AGPAT4: variants seen among roughly 807,000 people sequenced by gnomAD.
AGPAT4 encodes 1-acyl-sn-glycerol-3-phosphate acyltransferase delta.
A neutral mutation model predicts 48.0 loss-of-function variants in AGPAT4; 15 were observed. The observed-to-expected ratio is 0.31, with a 90% CI of 0.21 to 0.48. The LOEUF (loss-of-function observed/expected upper bound fraction) is 0.48. AGPAT4 is among the 20% of genes least tolerant of loss of function. AGPAT4 has a pLI of 0.99. For missense variants in AGPAT4, 314 were observed against 482.5 expected (o/e 0.65, Z 3.27); for synonymous variants, 178 against 198.7 (o/e 0.90, Z 0.88).
intron 4 of AGPAT4, among the ~76,000 whole-genome samples, 153 bp from the exon 5 acceptor site, chr6:161,153,652 CACAGCCCTGGGGTCACAT>C (rs1284526805): frequency 8.0e-5 from 12 of 149,802 alleles, no homozygotes; most frequent in South Asian, 4.3e-4. Flanking sequence ...TGAGGTCACA[CACAGCCCTGGGGTCACAT>C]ACAGCCCTGG....
rs1230390875 is a variant in AGPAT4 at position 161,226,911 on chromosome 6, C to T, written c.178+5125G>A. On this transcript the variant is annotated intron_variant, in intron 2 of 8. Transcript: ENST00000320285. This position sits in a 1 kb window ranked among gnomAD's most constrained non-coding sequence, Gnocchi z 6.3. ...CATCAGAATGACAGCTGACCTCCCT[C>T]GGGGGAGCTCCTAGGCAAAGCAGGG... Among the ~76,000 whole-genome samples the T allele has an allele frequency of 1.3e-5, 2 of 152,132 alleles. No homozygotes were observed. Among genetic ancestry groups the T allele is most frequent in the East Asian group, 1.9e-4 (1 of 5,182 alleles).
At chr6:161,153,682 G>T (rs1482521539) in intron 4 of AGPAT4, among the ~76,000 whole-genome samples, 183 bp from the exon 5 acceptor site, 1 of 150,324 alleles carries the variant, frequency 6.7e-6, no homozygotes, top group Non-Finnish European at 1.5e-5. Flanking sequence ...CAGCCCTGGG[G>T]TCACACACAG....
At chr6:161,207,315 T>A (rs1225942982) in intron 2 of AGPAT4, among the ~76,000 whole-genome samples, 4 of 152,168 alleles carry the variant, frequency 2.6e-5, no homozygotes, top group Non-Finnish European at 5.9e-5. Flanking sequence ...CTCCAGTGAG[T>A]ACCAGTGCCC....
intron 2 of AGPAT4, among the ~76,000 whole-genome samples, chr6:161,185,208 GTATTACAT>G (rs1312404548): frequency 6.7e-6 from 1 of 148,940 alleles, no homozygotes; most frequent in Admixed American, 6.7e-5. Context: ...AATATAGGTG[GTATTACAT>G]TATATTAAGA....
chr6:161,247,182 G>T (rs1782676428), intron 1 of AGPAT4, among the ~76,000 whole-genome samples: 1 of 152,224 alleles, frequency 6.6e-6, no homozygotes, highest in South Asian at 2.1e-4. Context: ...GAGGAACACA[G>T]AGGTGACTTT....
chr6:161,149,148 G>A lies in AGPAT4; in HGVS notation c.767+39C>T, dbSNP rs1251981881. The A allele has an allele frequency of 6.2e-7, 1 of 1,601,312 alleles. No homozygotes were observed. The highest frequency in any genetic ancestry group is 2.2e-5 in the East Asian group (1 of 44,808). ...ATTTGTGATGTGTTTACTTTGAAAT[G>A]GGCACTGTCTTTTCTGGAAAGGAAA... is the stretch of plus-strand genomic sequence containing the variant. On this transcript the variant is annotated intron_variant, in intron 6 of 8. Transcript: ENST00000320285. The surrounding 1 kb of genome is among the most constrained non-coding windows in gnomAD (Gnocchi z 6.5).
rs531278007 is a variant in AGPAT4 at position 161,137,534 on chromosome 6, C to G, written c.1043-900G>C. ...GCACGCATCTCCCATGGGTCATTTA[C>G]AAACTGGAGGGCTCCTGCATGGAGC... On this transcript the variant is annotated intron_variant, in intron 8 of 8. Coordinates refer to ENST00000320285, the MANE Select transcript of AGPAT4 (RefSeq NM_020133.3). This position sits in a 1 kb window ranked among gnomAD's most constrained non-coding sequence, Gnocchi z 6.1. Among the ~76,000 whole-genome samples, 12 of 152,306 alleles carry G rather than the reference C, an allele frequency of 7.9e-5. No homozygotes were observed. In the East Asian group the frequency reaches 2.3e-3, roughly 29 times the overall value.
rs1484678270 is a variant in AGPAT4 at position 161,245,291 on chromosome 6, C to T, written c.-89-12989G>A. Among the ~76,000 whole-genome samples the T allele has an allele frequency of 2.0e-5, 3 of 152,190 alleles. No individual in the cohort carries two copies. Among genetic ancestry groups the T allele is most frequent in the African/African-American group, 4.8e-5 (2 of 41,444 alleles). On this transcript the variant is annotated intron_variant, in intron 1 of 8. Coordinates refer to ENST00000320285, the MANE Select transcript of AGPAT4 (RefSeq NM_020133.3). This position sits in a 1 kb window ranked among gnomAD's most constrained non-coding sequence, Gnocchi z 5.2. ...CAACAGGACGTACTGACATACACGC[C>T]GGCCCCACAGGGGTGATGGGAGACT... is the stretch of plus-strand genomic sequence containing the variant.
At chr6:161,268,785 T>C (rs1171997500) in intron 1 of AGPAT4, among the ~76,000 whole-genome samples, 1 of 152,178 alleles carries the variant, frequency 6.6e-6, no homozygotes, top group Non-Finnish European at 1.5e-5. Context: ...ATGTTGTCCA[T>C]ATAATTTCCA....
At position 161,232,701 on chromosome 6, in the gene AGPAT4, T is replaced by C. The variant is rs1285837210; in HGVS notation, c.-89-399A>G. 1.3e-5 allele frequency among the ~76,000 whole-genome samples: 2 copies of C among 152,106 alleles called. No homozygotes were observed. The highest frequency in any genetic ancestry group is 2.4e-5 in the African/African-American group (1 of 41,408). On this transcript the variant is annotated intron_variant, in intron 1 of 8. Transcript: ENST00000320285. This position sits in a 1 kb window ranked among gnomAD's most constrained non-coding sequence, Gnocchi z 6.8. Reference sequence around the variant, plus strand: ...AATCCGGCCTCCCCTCCTGCTGCCATCGCGGCCTGAGCCCCATTCTCTCAC... The same window carrying C: ...AATCCGGCCTCCCCTCCTGCTGCCACCGCGGCCTGAGCCCCATTCTCTCAC...
At chr6:161,194,589 T>C (rs1781016099) in intron 2 of AGPAT4, among the ~76,000 whole-genome samples, 1 of 127,370 alleles carries the variant, frequency 7.9e-6, no homozygotes, top group South Asian at 2.3e-4. Flanking sequence ...TATATATGTG[T>C]ATGTATGTAT....
intron 2 of AGPAT4, among the ~76,000 whole-genome samples, chr6:161,175,272 T>C (rs933037155): frequency 6.6e-6 from 1 of 152,218 alleles, no homozygotes; most frequent in Non-Finnish European, 1.5e-5. Flanking sequence ...TGAATCCATC[T>C]GGTCCTGGAC....
chr6:161,218,039 C>T lies in AGPAT4; in HGVS notation c.178+13997G>A, dbSNP rs3778228. Among the ~76,000 whole-genome samples the T allele has an allele frequency of 0.13, 19,653 of 152,268 alleles. 1,665 individuals are homozygous for T. Among genetic ancestry groups the T allele is most frequent in the East Asian group, 0.28 (1,473 of 5,172 alleles). ...ACCAATTGAACACGTATGCATTCAC[C>T]GGGAATGCCCTGTGATGGCTGGTGT... On this transcript the variant is annotated intron_variant, in intron 2 of 8. Transcript: ENST00000320285. The surrounding 1 kb of genome is among the most constrained non-coding windows in gnomAD (Gnocchi z 4.7).
At chr6:161,187,057 T>C (rs3778224) in intron 2 of AGPAT4, among the ~76,000 whole-genome samples, 71,473 of 152,034 alleles carry the variant, frequency 0.47, 17,254 homozygotes, top group East Asian at 0.72. Flanking sequence ...CATCGGCATA[T>C]TACTTAACCT....
rs1781750785 is a variant in AGPAT4, at chr6:161,219,689, A to G, written c.178+12347T>C. Among the ~76,000 whole-genome samples, 1 of 152,220 alleles carries G rather than the reference A, an allele frequency of 6.6e-6. No individual in the cohort carries two copies. The highest frequency in any genetic ancestry group is 2.1e-4 in the South Asian group (1 of 4,836). On this transcript the variant is annotated intron_variant, in intron 2 of 8. Transcript: ENST00000320285. The surrounding 1 kb of genome is among the most constrained non-coding windows in gnomAD (Gnocchi z 4.9). ...CAAGCATCCATTCATACAATTCAGT[A>G]TCACATGTGTATTCCTAAACTTGCT...
chr6:161,168,359 ACT>A (rs1450901851), intron 2 of AGPAT4, among the ~76,000 whole-genome samples: 3 of 151,734 alleles, frequency 2.0e-5, no homozygotes, highest in African/African-American at 7.3e-5. Flanking sequence ...CTTCCAAGAG[ACT>A]CACATTTCGT....
At chr6:161,194,727 A>G (rs1248816812) in intron 2 of AGPAT4, among the ~76,000 whole-genome samples, 3 of 152,026 alleles carry the variant, frequency 2.0e-5, no homozygotes, top group African/African-American at 4.8e-5. Flanking sequence ...GTATGTGCAT[A>G]TGTGTGTGTG....
rs1778994994 is a variant in AGPAT4, at chr6:161,134,357, C to CT, written c.*2182dup. ...GGCCCCCGGATCTATGTTTTTAGAA[C>CT]TTACTTAGATTACTTCTGTGTTGAA... On this transcript the variant is annotated 3_prime_UTR_variant, in exon 9 of 9. Transcript: ENST00000320285. 1 of 152,142 alleles carries CT rather than the reference C, an allele frequency of 6.6e-6. No individual in the cohort carries two copies. Among genetic ancestry groups the CT allele is most frequent in the Admixed American group, 6.5e-5 (1 of 15,274 alleles). The allele number at this position is 152,142 out of a possible 1,614,324, so 9.4% of individuals were successfully genotyped here. A position where few individuals can be genotyped will look rare whatever the true frequency, so the allele number is the denominator to read the frequency against.
intron 2 of AGPAT4, among the ~76,000 whole-genome samples, chr6:161,172,191 A>G (rs773302947): frequency 3.3e-5 from 5 of 152,256 alleles, no homozygotes; most frequent in Non-Finnish European, 5.9e-5. Context: ...AGAAAAGCCC[A>G]GAAGCTGTAA....
Sources: allele counts gnomAD v4.1 joint callset (sites outside exome capture counted in the v4.1 genomes callset), GRCh38; gene constraint gnomAD v4.1.1; non-coding constraint Gnocchi (gnomAD v3.1); transcripts MANE v1.5; gene names NCBI Gene and HGNC (gene_info 2026-07-23, HGNC 2026-07-21).